CDH4: variants seen among roughly 807,000 people sequenced by gnomAD.
CDH4 encodes the protein cadherin-4.
CDH4 carries 33 observed loss-of-function variants against 86.0 expected under a neutral mutation model. The observed-to-expected ratio is 0.38, with a 90% confidence interval of 0.29 to 0.51. The LOEUF is 0.51. CDH4 is among the 20% of genes least tolerant of loss of function. CDH4 has a pLI of 0.86. For synonymous variants in CDH4, 555 were observed against 549.4 expected, an observed-to-expected ratio of 1.01 and a Z score of -0.14; for missense variants, 1,114 against 1,307.4, an observed-to-expected ratio of 0.85 and a Z score of 2.28.
rs567506805 is a variant in CDH4 at position 61,485,519 on chromosome 20, C to G, written c.169+230582C>G. 2.0e-5 allele frequency among the ~76,000 whole-genome samples: 3 copies of G among 152,366 alleles called. No individual in the cohort carries two copies. In the East Asian group the frequency reaches 5.8e-4, roughly 29 times the overall value. On this transcript the variant is annotated intron_variant, in intron 2 of 15. Transcript: ENST00000614565. ...AAGATCCAGCCCAGGCTCCTAAGGGCAACCCCAGCCAAGGAGAGAGCTCCA... is the reference window on the plus strand; with the variant it reads ...AAGATCCAGCCCAGGCTCCTAAGGGGAACCCCAGCCAAGGAGAGAGCTCCA...
At chr20:61,641,161 G>A (rs1265098112) in intron 2 of CDH4, among the ~76,000 whole-genome samples, 1 of 152,182 alleles carries the variant, frequency 6.6e-6, no homozygotes. Flanking sequence ...CCCCGGAGAG[G>A]GAGAAGGCAG....
chr20:61,819,113 C>T (rs1011211217), intron 4 of CDH4, among the ~76,000 whole-genome samples: 17 of 152,330 alleles, frequency 1.1e-4, no homozygotes, highest in African/African-American at 3.8e-4. Context: ...CTGCTGCAGC[C>T]CTTTCCCCCA....
chr20:61,320,408 A>G (rs1207864617), intron 2 of CDH4, among the ~76,000 whole-genome samples: 1 of 151,882 alleles, frequency 6.6e-6, no homozygotes, highest in Non-Finnish European at 1.5e-5. Context: ...ACCAACCACA[A>G]AACCATGCAG....
chr20:61,771,361 T>C (rs961082976), intron 3 of CDH4, among the ~76,000 whole-genome samples: 1 of 149,772 alleles, frequency 6.7e-6, no homozygotes, highest in Non-Finnish European at 1.5e-5. Flanking sequence ...TGGTGGCTCA[T>C]GCCTGTAATC....
chr20:61,779,182 A>G (rs1188772108), intron 4 of CDH4, among the ~76,000 whole-genome samples: 2 of 152,252 alleles, frequency 1.3e-5, no homozygotes, highest in Non-Finnish European at 2.9e-5. Context: ...TCTAATACCA[A>G]TGCACAATAT....
At chr20:61,638,839 C>G (rs2145798466) in intron 2 of CDH4, among the ~76,000 whole-genome samples, 1 of 152,300 alleles carries the variant, frequency 6.6e-6, no homozygotes, top group South Asian at 2.1e-4. Flanking sequence ...AAAACTGAAG[C>G]ACCCTGAAAA....
Position 61,728,409 on chromosome 20 carries a change from T to C in CDH4, c.170-15154T>C, listed in dbSNP as rs75529288. ...ATCCTTCCATCCTCTAAAACTCTGC[T>C]TGAGTTTGTCTTTCAAGGAAGGGCT... On this transcript the variant is annotated intron_variant, in intron 2 of 15. Coordinates refer to ENST00000614565, the MANE Select transcript of CDH4 (RefSeq NM_001794.5). Among the ~76,000 whole-genome samples, 802 of 152,238 alleles carry C rather than the reference T, an allele frequency of 5.3e-3. 9 individuals are homozygous for C. The highest frequency in any genetic ancestry group is 0.018 in the African/African-American group (763 of 41,546).
At chr20:61,259,012 C>G (rs559625835) in intron 2 of CDH4, among the ~76,000 whole-genome samples, 2 of 152,284 alleles carry the variant, frequency 1.3e-5, no homozygotes, top group South Asian at 2.1e-4. Flanking sequence ...CCATTATAAT[C>G]CATCACATGG....
chr20:61,428,161 G>C (rs185399647), intron 2 of CDH4, among the ~76,000 whole-genome samples: 164 of 152,266 alleles, frequency 1.1e-3, no homozygotes, highest in African/African-American at 3.8e-3. Flanking sequence ...CTTAACTTGG[G>C]ACGGTGAGTT....
At chr20:61,706,809 G>A (rs1364144112) in intron 2 of CDH4, among the ~76,000 whole-genome samples, 1 of 152,234 alleles carries the variant, frequency 6.6e-6, no homozygotes, top group Non-Finnish European at 1.5e-5. Context: ...GTTCCAACCG[G>A]AATGAGTCAT....
At chr20:61,506,301 A>G (rs1020795891) in intron 2 of CDH4, among the ~76,000 whole-genome samples, 1 of 152,256 alleles carries the variant, frequency 6.6e-6, no homozygotes, top group African/African-American at 2.4e-5. Flanking sequence ...CAGTTACAGT[A>G]ATAGCTCAGC....
rs534537823 is a variant in CDH4 at position 61,881,298 on chromosome 20, G to A, written c.1050+7398G>A. ...GCTGCGCTGCGAAGGGAGGGGAGAC[G>A]ATGGCCATGGAGTCTGAGAGGAGGC... On this transcript the variant is annotated intron_variant, in intron 7 of 15. Coordinates refer to ENST00000614565, the MANE Select transcript of CDH4 (RefSeq NM_001794.5). Among the ~76,000 whole-genome samples the A allele has an allele frequency of 1.8e-4, 28 of 152,360 alleles. No individual in the cohort carries two copies. In the South Asian group the frequency reaches 5.2e-3, roughly 28 times the overall value.
At chr20:61,304,450 G>A (rs1226645716) in intron 2 of CDH4, among the ~76,000 whole-genome samples, 7 of 152,234 alleles carry the variant, frequency 4.6e-5, no homozygotes, top group Non-Finnish European at 1.0e-4. Flanking sequence ...TAAACGATGA[G>A]CCCCTGGAGG....
At chr20:61,728,016 T>A (rs181387855) in intron 2 of CDH4, among the ~76,000 whole-genome samples, 30 of 152,336 alleles carry the variant, frequency 2.0e-4, no homozygotes, top group Admixed American at 2.0e-3. Flanking sequence ...CACCTGCGCC[T>A]CTTCATTATG....
intron 4 of CDH4, among the ~76,000 whole-genome samples, chr20:61,805,462 C>T (rs1769117337): frequency 6.6e-6 from 1 of 152,240 alleles, no homozygotes; most frequent in African/African-American, 2.4e-5. Flanking sequence ...TCAGGGCCAC[C>T]TTTCCGGCCA....
chr20:61,747,653 T>C (rs2088432935), intron 3 of CDH4, among the ~76,000 whole-genome samples: 1 of 152,192 alleles, frequency 6.6e-6, no homozygotes, highest in African/African-American at 2.4e-5. Context: ...TGGATACATA[T>C]ATCTGCAGAT....
chr20:61,390,358 G>A (rs1379318515), intron 2 of CDH4, among the ~76,000 whole-genome samples: 3 of 115,282 alleles, frequency 2.6e-5, no homozygotes, highest in Admixed American at 8.1e-5. Context: ...ACCCCGATTG[G>A]GTTCGTACAG....
intron 2 of CDH4, among the ~76,000 whole-genome samples, chr20:61,725,013 G>A (rs112837908): frequency 0.015 from 2,320 of 152,304 alleles, 53 homozygotes; most frequent in African/African-American, 0.053. Flanking sequence ...ATAGGAGGCT[G>A]AGGCAGGAGA....
intron 4 of CDH4, among the ~76,000 whole-genome samples, chr20:61,815,303 G>A (rs1034818788): frequency 6.6e-6 from 1 of 152,208 alleles, no homozygotes; most frequent in Non-Finnish European, 1.5e-5. Context: ...TGTGGAGGGC[G>A]TGGGGCTACC....
Sources: gnomAD v4.1 joint callset for allele counts (sites outside exome capture counted in the v4.1 genomes callset) on GRCh38, gnomAD v4.1.1 for gene constraint, MANE v1.5 for transcripts, NCBI Gene and HGNC (gene_info 2026-07-23, HGNC 2026-07-21) for gene names.